The following MYO9B variants were observed in gnomAD, a reference collection of about 807,000 sequenced individuals.
MYO9B encodes the protein myosin IXB.
In MYO9B, 71 loss-of-function variants were observed where a neutral mutation model predicts 229.5. That is an observed-to-expected ratio of 0.31 (90% CI 0.26 to 0.38). The LOEUF is 0.38. Among genes scored for constraint, MYO9B ranks in the 10% least tolerant of loss-of-function variants. The probability of loss-of-function intolerance (pLI) is 1.00; values close to 1 mark genes in which losing one functional copy is unlikely to be tolerated. For synonymous variants in MYO9B, 1,185 were observed against 1,235.8 expected (o/e 0.96, Z 0.86); for missense variants, 2,255 against 2,920.5 (o/e 0.77, Z 5.25).
At chr19:17,076,619 A>T (rs2057487231) in intron 1 of MYO9B, among the ~76,000 whole-genome samples, 1 of 151,664 alleles carries the variant, frequency 6.6e-6, no homozygotes, top group Non-Finnish European at 1.5e-5. Flanking sequence ...GTCCCTCCTG[A>T]CTTCACACTT....
chr19:17,090,789 G>A lies in MYO9B; in HGVS notation c.-58-10871G>A, dbSNP rs577187443. 7.2e-5 allele frequency among the ~76,000 whole-genome samples: 11 copies of A among 152,222 alleles called. No homozygotes were observed. In the East Asian group the frequency reaches 7.7e-4, roughly 11 times the overall value. On this transcript the variant is annotated intron_variant, in intron 1 of 39. Transcript: ENST00000682292. ...GGAAGGAAACACGTTTTCAGGACCC[G>A]TACCCCAAAACACAACCATAACCCG...
At chr19:17,202,698 G>A in intron 28 of MYO9B, 144 bp from the exon 29 acceptor site, 1 of 823,592 alleles carries the variant, frequency 1.2e-6, no homozygotes, top group Non-Finnish European at 1.9e-6. Flanking sequence ...TGGGGTGTCT[G>A]AATGGGGGCG....
chr19:17,199,680 ATTTTTTTTTC>A (rs1046847947), intron 24 of MYO9B, among the ~76,000 whole-genome samples: 4 of 109,606 alleles, frequency 3.6e-5, no homozygotes, highest in African/African-American at 8.1e-5. Context: ...TGCCCAGCTA[ATTTTTTTTTC>A]TTTTTTTTTC....
intron 9 of MYO9B, 116 bp downstream of exon 9, chr19:17,162,582 C>A: frequency 1.1e-6 from 1 of 878,324 alleles, no homozygotes; most frequent in Non-Finnish European, 1.8e-6. Context: ...AATCAAGAGG[C>A]TGTTTCCCCA....
chr19:17,193,041 G>C lies in MYO9B; in HGVS notation c.3107G>C (p.Arg1036Pro). Residue 1036 changes from arginine to proline, a missense_variant, in exon 21 of 40, where the codon CGG becomes CCG. This residue lies in a region of MYO9B where 679 missense variants were observed against 770.2 expected (regional missense o/e 0.88). Coordinates refer to ENST00000682292, the MANE Select transcript of MYO9B (RefSeq NM_004145.4). The surrounding 1 kb of genome is among the most constrained non-coding windows in gnomAD (Gnocchi z 4.3). Reference sequence around the variant, plus strand: ...ATCATCCGCCTGCAGAGCCTGTGTCGGGGGCACCTGCAGCGCAAGAGGTGA... The same window carrying C: ...ATCATCCGCCTGCAGAGCCTGTGTCCGGGGCACCTGCAGCGCAAGAGGTGA... ...QSIIRLQSLC[R>P]GHLQRKSFSQ... 1 of 1,467,754 alleles carries C rather than the reference G, an allele frequency of 6.8e-7. No homozygotes were observed. Among genetic ancestry groups the C allele is most frequent in the Non-Finnish European group, 9.0e-7 (1 of 1,107,844 alleles). The allele number at this position is 1,467,754 out of a possible 1,614,324, so 90.9% of individuals were successfully genotyped here. A position where few individuals can be genotyped will look rare whatever the true frequency, so the allele number is the denominator to read the frequency against.
intron 1 of MYO9B, among the ~76,000 whole-genome samples, chr19:17,094,709 A>AGG (rs2057671705): frequency 6.6e-6 from 1 of 152,282 alleles, no homozygotes; most frequent in Non-Finnish European, 1.5e-5. Context: ...TGGGAGGCTG[A>AGG]TACAGGCAGA....
At chr19:17,199,235 T>C (rs1019703551) in intron 24 of MYO9B, among the ~76,000 whole-genome samples, 1 of 151,772 alleles carries the variant, frequency 6.6e-6, no homozygotes, top group African/African-American at 2.4e-5. Flanking sequence ...AAAAAGATAA[T>C]GAGCTAGGCG....
Position 17,168,084 on chromosome 19 carries a change from C to A in MYO9B, c.1793+20C>A. ...GAGCAAGTGAGTGTCCACACCCCGT[C>A]CATCCCGGCACATCTACGCATGGGC... On this transcript the variant is annotated intron_variant, in intron 11 of 39. Coordinates refer to ENST00000682292, the MANE Select transcript of MYO9B (RefSeq NM_004145.4). The A allele has an allele frequency of 6.2e-7, 1 of 1,610,810 alleles. No individual in the cohort carries two copies. Among genetic ancestry groups the A allele is most frequent in the Non-Finnish European group, 8.5e-7 (1 of 1,178,672 alleles).
intron 2 of MYO9B, among the ~76,000 whole-genome samples, chr19:17,108,545 A>C (rs1373355819): frequency 6.6e-6 from 1 of 152,042 alleles, no homozygotes; most frequent in East Asian, 1.9e-4. Context: ...TTGATTAGAG[A>C]GGTATTAACA....
At chr19:17,167,805 A>G in intron 10 of MYO9B, 138 bp from the exon 11 acceptor site, 1 of 1,147,074 alleles carries the variant, frequency 8.7e-7, no homozygotes, top group Non-Finnish European at 1.2e-6. Context: ...TAAGCCACGC[A>G]TCAGTTTAAA....
rs375603105 is a variant in MYO9B at position 17,102,375 on chromosome 19, G to A, written c.658G>A (p.Asp220Asn). Residue 220 changes from aspartate to asparagine, a missense_variant, in exon 2 of 40, where the codon GAC (aspartate) becomes AAC (asparagine). By Grantham distance (23) the Asp-to-Asn change is conservative. Coordinates refer to ENST00000682292, the MANE Select transcript of MYO9B (RefSeq NM_004145.4). ...KLEPHVFALADVAYYTMLRKR... is the reference protein window; with the variant it reads ...KLEPHVFALANVAYYTMLRKR... ...GGAGCCACACGTCTTCGCGCTGGCCGACGTGGCCTACTACACCATGCTCAG... is the reference window on the plus strand; with the variant it reads ...GGAGCCACACGTCTTCGCGCTGGCCAACGTGGCCTACTACACCATGCTCAG... 7 of 1,613,878 alleles carry A rather than the reference G, an allele frequency of 4.3e-6. No individual in the cohort carries two copies. The highest frequency in any genetic ancestry group is 5.1e-6 in the Non-Finnish European group (6 of 1,179,906).
Position 17,125,172 on chromosome 19 carries a change from A to T in MYO9B, c.841-20225A>T, listed in dbSNP as rs191884170. 1.2e-3 allele frequency among the ~76,000 whole-genome samples: 190 copies of T among 152,054 alleles called. 1 individual carries two copies. Among genetic ancestry groups the T allele is most frequent in the Admixed American group, 5.8e-3 (89 of 15,242 alleles). ...AAAACTTAGCCGGGCGTGGTGGCAC[A>T]TGCCTGTGGTCCCAGCTACTTGGAG... is the stretch of plus-strand genomic sequence containing the variant. On this transcript the variant is annotated intron_variant, in intron 2 of 39. Coordinates refer to ENST00000682292, the MANE Select transcript of MYO9B (RefSeq NM_004145.4).
chr19:17,208,172 A>T (rs2073183886), intron 35 of MYO9B, among the ~76,000 whole-genome samples: 1 of 148,804 alleles, frequency 6.7e-6, no homozygotes, highest in African/African-American at 2.5e-5. Flanking sequence ...TTAAAAAAAT[A>T]AAAAATATAT....
At chr19:17,076,837 C>T (rs985853303) in intron 1 of MYO9B, among the ~76,000 whole-genome samples, 1 of 152,168 alleles carries the variant, frequency 6.6e-6, no homozygotes, top group African/African-American at 2.4e-5. Context: ...CTGTCGCCAC[C>T]TCCGCAGAGC....
intron 28 of MYO9B, among the ~76,000 whole-genome samples, 157 bp downstream of exon 28, chr19:17,202,460 A>T (rs1477786404): frequency 6.6e-6 from 1 of 150,496 alleles, no homozygotes; most frequent in Non-Finnish European, 1.5e-5. Flanking sequence ...TGATCCACTT[A>T]TGCCATGCTT....
intron 37 of MYO9B, 87 bp from the exon 38 acceptor site, chr19:17,210,628 A>G: frequency 6.9e-7 from 1 of 1,441,266 alleles, no homozygotes; most frequent in Non-Finnish European, 9.2e-7. Flanking sequence ...TCACATCACA[A>G]CTAACCTCCT....
chr19:17,100,473 C>G (rs2057734558), intron 1 of MYO9B, among the ~76,000 whole-genome samples: 1 of 152,074 alleles, frequency 6.6e-6, no homozygotes. Context: ...ACTCTTATCT[C>G]AAAAACAAAA....
chr19:17,168,315 C>G (rs926386247), intron 11 of MYO9B, among the ~76,000 whole-genome samples: 1 of 152,184 alleles, frequency 6.6e-6, no homozygotes. Flanking sequence ...CAGGGTCACA[C>G]CACCATACCC....
At chr19:17,095,612 C>T (rs1386739690) in intron 1 of MYO9B, 1 of 152,230 alleles carries the variant, frequency 6.6e-6, no homozygotes, top group African/African-American at 2.4e-5. Flanking sequence ...TGCCGATGGA[C>T]ATGGGGTTGT....
Sources: allele counts gnomAD v4.1 joint callset (sites outside exome capture counted in the v4.1 genomes callset), GRCh38; gene constraint gnomAD v4.1.1; regional missense constraint gnomAD v4.1.1; non-coding constraint Gnocchi (gnomAD v3.1); transcripts MANE v1.5; gene names NCBI Gene and HGNC (gene_info 2026-07-23, HGNC 2026-07-21).